Variants in KAT2B observed in about 807,000 individuals in gnomAD.
The protein encoded by KAT2B is lysine acetyltransferase 2B.
Under a neutral mutation model 105.9 loss-of-function variants are expected in KAT2B, and 36 were observed. That is an observed-to-expected ratio of 0.34 (90% CI 0.26 to 0.45). KAT2B has a LOEUF of 0.45. KAT2B is among the 20% of genes least tolerant of loss of function. The pLI is 1.00. For synonymous variants in KAT2B, 397 were observed against 377.9 expected, an observed-to-expected ratio of 1.05 and a Z score of -0.59; for missense variants, 820 against 1,021.6, an observed-to-expected ratio of 0.80 and a Z score of 2.69.
chr3:20,095,478 C>T (rs1698793099), intron 3 of KAT2B, 70 bp downstream of exon 3: 11 of 1,104,888 alleles, frequency 1.0e-5, no homozygotes, highest in South Asian at 3.1e-5. Flanking sequence ...TATGCCAGGT[C>T]GTGGCTGTGA....
intron 11 of KAT2B, among the ~76,000 whole-genome samples, chr3:20,135,481 C>T (rs549665496): frequency 2.0e-5 from 3 of 152,116 alleles, no homozygotes; most frequent in Admixed American, 1.3e-4. Flanking sequence ...AGTGAAACCC[C>T]GTCTCTACTA....
chr3:20,072,606 T>C, intron 2 of KAT2B, 147 bp downstream of exon 2: 1 of 758,042 alleles, frequency 1.3e-6, no homozygotes, highest in Non-Finnish European at 2.2e-6. Flanking sequence ...TCTCACGAGT[T>C]TGCTGGGAAG....
In KAT2B at chr3:20,082,618, T is replaced by G. The variant is rs180825357; in HGVS notation, c.430+10159T>G. Among the ~76,000 whole-genome samples the G allele has an allele frequency of 2.0e-4, 30 of 152,332 alleles. 1 individual carries two copies. The East Asian group carries it at 5.8e-3, about 29-fold the overall frequency. ...TTTGATGGAGGAATGTTTTAAATTT[T>G]AAAAACAAACTCTTTAAAGAGCTAG... On this transcript the variant is annotated intron_variant, in intron 2 of 17. Coordinates refer to ENST00000263754, the MANE Select transcript of KAT2B (RefSeq NM_003884.5).
intron 2 of KAT2B, among the ~76,000 whole-genome samples, chr3:20,094,617 A>G (rs1698778055): frequency 6.6e-6 from 1 of 152,220 alleles, no homozygotes; most frequent in Non-Finnish European, 1.5e-5. Context: ...AACTATAGTA[A>G]GACAACAGAA....
chr3:20,105,750 A>G (rs1698989362), intron 5 of KAT2B, among the ~76,000 whole-genome samples: 2 of 148,838 alleles, frequency 1.3e-5, no homozygotes, highest in South Asian at 2.1e-4. Flanking sequence ...GGAGCTGTCC[A>G]TGATCCTACC....
chr3:20,131,873 C>G (rs557516137), intron 11 of KAT2B, among the ~76,000 whole-genome samples: 1 of 152,120 alleles, frequency 6.6e-6, no homozygotes, highest in Non-Finnish European at 1.5e-5. Flanking sequence ...CATAAACAGA[C>G]GTTTTAAGTA....
At chr3:20,046,548 A>C (rs778878329) in intron 1 of KAT2B, among the ~76,000 whole-genome samples, 4 of 152,224 alleles carry the variant, frequency 2.6e-5, no homozygotes, top group Non-Finnish European at 4.4e-5. Context: ...ATGCCACTGC[A>C]CTAGACCTTG....
Position 20,040,532 on chromosome 3 carries a change from G to A in KAT2B, c.55G>A (p.Gly19Arg). Residue 19 changes from glycine (G) to arginine (R), a missense_variant, in exon 1 of 18, where the codon GGG becomes AGG. Transcript: ENST00000263754. Reference protein sequence around the residue: ...PGGCGAGAGAGAGPGALPPQP... With the variant: ...PGGCGAGAGARAGPGALPPQP... ...CGGCTGCGGGGCAGGAGCCGGGGCA[G>A]GGGCCGGGCCCGGGGCGCTGCCCCC... 2.0e-6 allele frequency: 2 copies of A among 1,023,554 alleles called. No individual in the cohort carries two copies. The highest frequency in any genetic ancestry group is 2.3e-6 in the Non-Finnish European group (2 of 856,038). The allele number at this position is 1,023,554 out of a possible 1,614,324, so 63.4% of individuals were successfully genotyped here.
intron 2 of KAT2B, among the ~76,000 whole-genome samples, chr3:20,074,542 T>G (rs552900591): frequency 6.6e-6 from 1 of 152,346 alleles, no homozygotes; most frequent in South Asian, 2.1e-4. Flanking sequence ...TATTGGCTGA[T>G]GTTGTTCGTA....
chr3:20,051,290 G>A (rs2125166312), intron 1 of KAT2B, among the ~76,000 whole-genome samples: 1 of 151,760 alleles, frequency 6.6e-6, no homozygotes, highest in South Asian at 2.1e-4. Flanking sequence ...AGGAAGAGAG[G>A]TAGAATGATA....
At chr3:20,139,228 T>G (rs1699657261) in intron 12 of KAT2B, among the ~76,000 whole-genome samples, 3 of 152,262 alleles carry the variant, frequency 2.0e-5, no homozygotes, top group South Asian at 4.1e-4. Context: ...CTTCTTTTTT[T>G]TTAAAAATGT....
At chr3:20,151,376 A>G (rs1412517080) in intron 17 of KAT2B, among the ~76,000 whole-genome samples, 2 of 152,068 alleles carry the variant, frequency 1.3e-5, no homozygotes, top group African/African-American at 4.8e-5. Flanking sequence ...ATTTGGTTAT[A>G]GGTTTCTTTC....
intron 10 of KAT2B, 87 bp downstream of exon 10, chr3:20,126,200 T>C (rs1699401041): frequency 9.2e-7 from 1 of 1,092,454 alleles, no homozygotes; most frequent in Non-Finnish European, 1.3e-6. Context: ...GCCATAGTCA[T>C]CCACCGAATA....
At chr3:20,147,139 T>C (rs762079689) in intron 14 of KAT2B, among the ~76,000 whole-genome samples, 1 of 152,170 alleles carries the variant, frequency 6.6e-6, no homozygotes, top group Non-Finnish European at 1.5e-5. Context: ...TTTTAGTATA[T>C]TTAAGCTTTA....
chr3:20,043,749 T>C (rs2125161330), intron 1 of KAT2B, among the ~76,000 whole-genome samples: 1 of 151,908 alleles, frequency 6.6e-6, no homozygotes, highest in East Asian at 1.9e-4. Flanking sequence ...AAAATTTAAC[T>C]GGACTTGATT....
chr3:20,122,080 A>G (rs1699321363), intron 8 of KAT2B, among the ~76,000 whole-genome samples: 1 of 152,164 alleles, frequency 6.6e-6, no homozygotes, highest in African/African-American at 2.4e-5. Flanking sequence ...AAATCAACCA[A>G]CGGTTGAGGC....
intron 11 of KAT2B, among the ~76,000 whole-genome samples, chr3:20,132,146 G>A (rs529252731): frequency 5.3e-4 from 80 of 152,198 alleles, no homozygotes; most frequent in African/African-American, 7.5e-4. Context: ...AGGCTGAGGC[G>A]GGCGGATCAC....
intron 1 of KAT2B, among the ~76,000 whole-genome samples, chr3:20,042,232 T>C (rs919192490): frequency 6.6e-6 from 1 of 152,220 alleles, no homozygotes; most frequent in African/African-American, 2.4e-5. Context: ...ATTTGTCCCC[T>C]TTGATTTTAG....
chr3:20,141,514 G>A (rs1699694245), intron 13 of KAT2B, among the ~76,000 whole-genome samples: 1 of 152,094 alleles, frequency 6.6e-6, no homozygotes, highest in African/African-American at 2.4e-5. Context: ...GTCATCCCAC[G>A]TCAATTCCAC....
Sources: allele counts gnomAD v4.1 joint callset (sites outside exome capture counted in the v4.1 genomes callset), GRCh38; gene constraint gnomAD v4.1.1; transcripts MANE v1.5; gene names NCBI Gene and HGNC (gene_info 2026-07-23, HGNC 2026-07-21).